SHROOM3: variants seen among roughly 807,000 people sequenced by gnomAD.
SHROOM3 encodes the protein protein Shroom3.
In SHROOM3, 47 loss-of-function variants were observed where a neutral mutation model predicts 138.6. The observed-to-expected ratio is 0.34, with a 90% CI of 0.27 to 0.43. The LOEUF (loss-of-function observed/expected upper bound fraction) is 0.43, where lower values mean the gene tolerates loss of function less well. SHROOM3 is among the 20% of genes least tolerant of loss of function. The pLI, the probability that SHROOM3 is intolerant of heterozygous loss-of-function variation, is 1.00. For synonymous variants in SHROOM3, 1,062 were observed against 1,063.3 expected (o/e 1.00, Z 0.02); for missense variants, 2,491 against 2,596.5 (o/e 0.96, Z 0.88).
At chr4:76,745,604 T>C (rs1721408030) in intron 5 of SHROOM3, among the ~76,000 whole-genome samples, 1 of 152,254 alleles carries the variant, frequency 6.6e-6, no homozygotes, top group Non-Finnish European at 1.5e-5. Context: ...GAATTGACTT[T>C]CCACAAAATG....
At chr4:76,583,577 C>A (rs1734091777) in intron 2 of SHROOM3, among the ~76,000 whole-genome samples, 1 of 152,190 alleles carries the variant, frequency 6.6e-6, no homozygotes. Flanking sequence ...GAATGCAAAG[C>A]CTTTATCTCA....
At position 76,745,571 on chromosome 4, in the gene SHROOM3, C is replaced by T. The variant is rs890005921; in HGVS notation, c.3754-3446C>T. On this transcript the variant is annotated intron_variant, in intron 5 of 10. Coordinates refer to ENST00000296043, the MANE Select transcript of SHROOM3 (RefSeq NM_020859.4). Reference sequence around the variant, plus strand: ...CTTTTTTAGCACCTTTCTACAAGCACACATTTAAGCTTATACAAAATAGAA... The same window carrying T: ...CTTTTTTAGCACCTTTCTACAAGCATACATTTAAGCTTATACAAAATAGAA... Among the ~76,000 whole-genome samples, 6 of 152,228 alleles carry T rather than the reference C, an allele frequency of 3.9e-5. No individual in the cohort carries two copies. The South Asian group carries it at 1.0e-3, about 26-fold the overall frequency.
At chr4:76,703,803 A>T (rs1004167932) in intron 2 of SHROOM3, among the ~76,000 whole-genome samples, 2 of 152,230 alleles carry the variant, frequency 1.3e-5, no homozygotes, top group East Asian at 1.9e-4. Flanking sequence ...AACATAAATC[A>T]AAAGGAATTT....
intron 2 of SHROOM3, chr4:76,586,368 A>C (rs748586314): frequency 1.0e-4 from 102 of 985,634 alleles, no homozygotes; most frequent in Non-Finnish European, 1.2e-4. Context: ...CAAGCCACCA[A>C]GCCCCCGCGG....
intron 2 of SHROOM3, among the ~76,000 whole-genome samples, chr4:76,606,005 A>AT (rs1193337712): frequency 1.7e-4 from 18 of 102,966 alleles, no homozygotes; most frequent in Admixed American, 4.5e-4. Context: ...ATATATATAT[A>AT]TATTTTTTTT....
intron 2 of SHROOM3, among the ~76,000 whole-genome samples, chr4:76,590,525 T>A (rs75075493): frequency 1.3e-5 from 2 of 149,074 alleles, no homozygotes; most frequent in Admixed American, 6.7e-5. Context: ...TTTTTTTTTT[T>A]AATTAAAATT....
chr4:76,630,643 A>G (rs1448996271), intron 2 of SHROOM3, among the ~76,000 whole-genome samples: 1 of 152,200 alleles, frequency 6.6e-6, no homozygotes, highest in Non-Finnish European at 1.5e-5. Context: ...CAGTCACAAA[A>G]AAGTGATTCT....
intron 1 of SHROOM3, among the ~76,000 whole-genome samples, chr4:76,453,549 T>C (rs578169369): frequency 2.0e-5 from 3 of 152,242 alleles, no homozygotes; most frequent in African/African-American, 7.2e-5. Flanking sequence ...TGAGCCACTG[T>C]GCCCAATAAA....
chr4:76,757,425 C>T (rs1340750418), intron 8 of SHROOM3, among the ~76,000 whole-genome samples: 2 of 152,168 alleles, frequency 1.3e-5, no homozygotes, highest in East Asian at 3.9e-4. Context: ...GGTGTACTTG[C>T]CGGTTCTGTA....
chr4:76,734,858 G>A (rs895327582), intron 4 of SHROOM3, among the ~76,000 whole-genome samples: 1 of 152,156 alleles, frequency 6.6e-6, no homozygotes, highest in African/African-American at 2.4e-5. Context: ...AGTGGTAAGT[G>A]CTGTGAAGAA....
intron 4 of SHROOM3, 77 bp from the exon 5 acceptor site, chr4:76,738,684 A>G (rs2110133060): frequency 1.3e-6 from 2 of 1,545,644 alleles, no homozygotes; most frequent in East Asian, 2.2e-5. Flanking sequence ...GAGAACATTT[A>G]TAAGCTGGGT....
chr4:76,486,837 C>A (rs1043168081), intron 1 of SHROOM3, among the ~76,000 whole-genome samples: 5 of 152,006 alleles, frequency 3.3e-5, no homozygotes, highest in African/African-American at 1.2e-4. Context: ...TTGCATATTT[C>A]ATTATTAACC....
chr4:76,590,047 C>G (rs1044971681), intron 2 of SHROOM3, among the ~76,000 whole-genome samples: 13 of 152,138 alleles, frequency 8.5e-5, no homozygotes, highest in African/African-American at 2.7e-4. Context: ...ATCCTTAAAC[C>G]TTTCCCTGAG....
chr4:76,533,524 T>C (rs1732875515), intron 1 of SHROOM3, among the ~76,000 whole-genome samples: 1 of 152,156 alleles, frequency 6.6e-6, no homozygotes, highest in African/African-American at 2.4e-5. Context: ...GCTCAGCATC[T>C]TGGCAATTGT....
Position 76,770,622 on chromosome 4 carries a change from T to C in SHROOM3, c.5350-4T>C, listed in dbSNP as rs762797595. On this transcript the variant is annotated splice_polypyrimidine_tract_variant and splice_region_variant and intron_variant, in intron 9 of 10. Coordinates refer to ENST00000296043, the MANE Select transcript of SHROOM3 (RefSeq NM_020859.4). Reference sequence around the variant, plus strand: ...GATCTTTGCGGTCTTATCTGTCATTTCAGGCTGAGCTCATTGGAAGTCTCA... The same window carrying C: ...GATCTTTGCGGTCTTATCTGTCATTCCAGGCTGAGCTCATTGGAAGTCTCA... 60 of 1,613,780 alleles carry C rather than the reference T, an allele frequency of 3.7e-5. No homozygotes were observed. Among genetic ancestry groups the C allele is most frequent in the Non-Finnish European group, 4.9e-5 (58 of 1,180,026 alleles).
At position 76,496,722 on chromosome 4, in the gene SHROOM3, G is replaced by C. The variant is rs1731975518; in HGVS notation, c.169-58887G>C. Among the ~76,000 whole-genome samples, 3 of 152,244 alleles carry C rather than the reference G, an allele frequency of 2.0e-5. No homozygotes were observed. In the South Asian group the frequency reaches 6.2e-4, roughly 32 times the overall value. On this transcript the variant is annotated intron_variant, in intron 1 of 10. Coordinates refer to ENST00000296043, the MANE Select transcript of SHROOM3 (RefSeq NM_020859.4). ...GAAGCAGTTTGATGTAGTAGACAGG[G>C]TCATGCTTTTCCTTCTGCCTGGATT...
chr4:76,436,337 G>T, intron 1 of SHROOM3, 117 bp downstream of exon 1: 1 of 1,022,946 alleles, frequency 9.8e-7, no homozygotes, highest in Non-Finnish European at 1.4e-6. Context: ...GCTGTTTCAT[G>T]CCTTTCTGAT....
rs113001394 is a variant in SHROOM3 at position 76,740,861 on chromosome 4, C to T, written c.2688C>T (p.Ser896=). The T allele has an allele frequency of 2.0e-5, 31 of 1,560,488 alleles. No individual in the cohort carries two copies. The African/African-American group carries it at 3.3e-4, about 17-fold the overall frequency. The change falls in exon 5 of 11, where the codon AGC becomes AGT. Residue 896 remains serine, a synonymous_variant. Transcript: ENST00000296043. The surrounding 1 kb of genome is among the most constrained non-coding windows in gnomAD (Gnocchi z 4.0). The part of the protein sequence containing the change: ...LRSQSTFQLS[S]EPEREPEWRD... ...GCCAGAGCACCTTCCAGCTCTCCAG[C>T]GAGCCAGAGAGGGAGCCCGAGTGGC... is the stretch of plus-strand genomic sequence containing the variant.
chr4:76,675,853 C>G (rs1159057403), intron 2 of SHROOM3, among the ~76,000 whole-genome samples: 1 of 152,112 alleles, frequency 6.6e-6, no homozygotes, highest in Non-Finnish European at 1.5e-5. Context: ...GAGTGAGACC[C>G]TGTCATCAAT....
Sources: allele counts gnomAD v4.1 joint callset (sites outside exome capture counted in the v4.1 genomes callset), GRCh38; gene constraint gnomAD v4.1.1; non-coding constraint Gnocchi (gnomAD v3.1); transcripts MANE v1.5; gene names NCBI Gene and HGNC (gene_info 2026-07-23, HGNC 2026-07-21).